Variants in VPS13D observed in about 807,000 individuals in gnomAD.
VPS13D encodes vacuolar protein sorting 13 homolog D.
A neutral mutation model predicts 461.9 loss-of-function variants in VPS13D; 187 were observed. That is an observed-to-expected ratio of 0.40 (90% CI 0.36 to 0.46). The LOEUF (loss-of-function observed/expected upper bound fraction) is 0.46. Ranked by LOEUF, VPS13D falls within the 20% of genes least tolerant of loss-of-function variation. The probability of loss-of-function intolerance (pLI) is 0.60; values close to 1 mark genes in which losing one functional copy is unlikely to be tolerated. For synonymous variants in VPS13D, 1,951 were observed against 1,986.3 expected (o/e 0.98, Z 0.47); for missense variants, 4,711 against 5,364.9 (o/e 0.88, Z 3.81).
At chr1:12,355,366 G>A (rs1368731846) in intron 47 of VPS13D, among the ~76,000 whole-genome samples, 1 of 152,150 alleles carries the variant, frequency 6.6e-6, no homozygotes, top group Non-Finnish European at 1.5e-5. Flanking sequence ...GAAACAAAGA[G>A]GAATGGTGAT....
chr1:12,484,213 G>A (rs574751802), intron 67 of VPS13D, among the ~76,000 whole-genome samples: 4 of 152,152 alleles, frequency 2.6e-5, no homozygotes, highest in African/African-American at 9.6e-5. Context: ...GACCTGCTTG[G>A]GCCAGGCCTT....
Position 12,256,409 on chromosome 1 carries a change from A to G in VPS13D, c.746A>G (p.Lys249Arg), listed in dbSNP as rs1557667457. Residue 249 changes from lysine (K) to arginine (R), a missense_variant, in exon 8 of 70, where the codon AAG (lysine) becomes AGG (arginine). Coordinates refer to ENST00000620676, the MANE Select transcript of VPS13D (RefSeq NM_015378.4). ...LEPVFASALLKRNCSKKPLRS... is the reference protein window; with the variant it reads ...LEPVFASALLRRNCSKKPLRS... ...CCTGTGTTTGCATCTGCTCTTTTGA[A>G]GAGAAACTGCTCCAAGAAGCCCCTG... 4.3e-6 allele frequency: 7 copies of G among 1,614,156 alleles called. No individual in the cohort carries two copies. Among genetic ancestry groups the G allele is most frequent in the Non-Finnish European group, 5.9e-6 (7 of 1,180,028 alleles).
chr1:12,493,951 T>TG (rs1274589036), intron 67 of VPS13D, among the ~76,000 whole-genome samples: 1 of 151,756 alleles, frequency 6.6e-6, no homozygotes, highest in South Asian at 2.1e-4. Flanking sequence ...GATACAGGAG[T>TG]GGGGGGAAAA....
At chr1:12,352,577 A>G (rs1424369682) in intron 46 of VPS13D, among the ~76,000 whole-genome samples, 2 of 152,234 alleles carry the variant, frequency 1.3e-5, no homozygotes, top group Non-Finnish European at 2.9e-5. Context: ...CCAAGTGTTG[A>G]CAAAGATGTG....
At chr1:12,352,762 G>A (rs1341082798) in intron 46 of VPS13D, among the ~76,000 whole-genome samples, 4 of 151,814 alleles carry the variant, frequency 2.6e-5, no homozygotes, top group African/African-American at 4.8e-5. Context: ...TCAGGAGTTC[G>A]AGACCAGCCT....
At chr1:12,447,178 G>A (rs924821428) in intron 65 of VPS13D, among the ~76,000 whole-genome samples, 26 of 152,138 alleles carry the variant, frequency 1.7e-4, no homozygotes, top group African/African-American at 5.8e-4. Context: ...ACTTGGGAGA[G>A]AAAAGAGATA....
At chr1:12,241,556 A>G (rs1175007715) in intron 2 of VPS13D, among the ~76,000 whole-genome samples, 1 of 152,186 alleles carries the variant, frequency 6.6e-6, no homozygotes, top group Non-Finnish European at 1.5e-5. Context: ...GCAGGGCTCT[A>G]TATATGTGAG....
chr1:12,337,938 G>A, intron 39 of VPS13D: 1 of 241,624 alleles, frequency 4.1e-6, no homozygotes, highest in Non-Finnish European at 8.2e-6. Context: ...TCTTCAAAAG[G>A]CTCGTCATTC....
intron 43 of VPS13D, among the ~76,000 whole-genome samples, chr1:12,345,884 T>C (rs1361778319): frequency 6.6e-6 from 1 of 152,222 alleles, no homozygotes; most frequent in African/African-American, 2.4e-5. Flanking sequence ...TTGATCCTTT[T>C]ACTCTGTGTC....
At chr1:12,374,098 A>G (rs1015932491) in intron 55 of VPS13D, among the ~76,000 whole-genome samples, 1 of 152,226 alleles carries the variant, frequency 6.6e-6, no homozygotes, top group African/African-American at 2.4e-5. Flanking sequence ...TAATAAATAT[A>G]TGTGGAATTA....
intron 65 of VPS13D, among the ~76,000 whole-genome samples, chr1:12,444,419 C>T (rs1010033769): frequency 6.6e-5 from 10 of 152,094 alleles, no homozygotes; most frequent in African/African-American, 1.7e-4. Context: ...AGTCTTTGGA[C>T]GATTTTGGGA....
chr1:12,300,488 A>G (rs542871203), intron 25 of VPS13D, among the ~76,000 whole-genome samples: 2 of 152,198 alleles, frequency 1.3e-5, no homozygotes, highest in Non-Finnish European at 2.9e-5. Context: ...GATTACAGGC[A>G]TGAGCCACCA....
chr1:12,329,858 A>T lies in VPS13D; in HGVS notation c.8227A>T (p.Ser2743Cys). 1.2e-6 allele frequency: 2 copies of T among 1,614,170 alleles called. No homozygotes were observed. The highest frequency in any genetic ancestry group is 2.2e-5 in the South Asian group (2 of 91,088). The change falls in exon 37 of 70, where the codon AGC becomes TGC. Residue 2743 changes from serine (S) to cysteine (C), a missense_variant. Ser to Cys is a moderately radical substitution (Grantham distance 112). Around this residue, in one of 3 missense-constraint regions of VPS13D, gnomAD observed 4,411 missense variants for 4,937.8 expected, o/e 0.89. Coordinates refer to ENST00000620676, the MANE Select transcript of VPS13D (RefSeq NM_015378.4). ...GAATTTTCTTCAGCGTGTAAGAACT[A>T]GCCCTGAAGGCTATGCCCACTTCAC... Reference protein sequence around the residue: ...RLNFLQRVRTSPEGYAHFTLS... With the variant: ...RLNFLQRVRTCPEGYAHFTLS...
Position 12,373,806 on chromosome 1 carries a change from A to C in VPS13D, c.10865A>C (p.Glu3622Ala). 6.2e-7 allele frequency: 1 copy of C among 1,605,754 alleles called. No homozygotes were observed. The highest frequency in any genetic ancestry group is 1.7e-4 in the Middle Eastern group (1 of 6,028). ...TCCAACAAGGCCATTACCTGTGCGGAGCTCGTTTTGGATGTCTCACCCAAG... is the reference window on the plus strand; with the variant it reads ...TCCAACAAGGCCATTACCTGTGCGGCGCTCGTTTTGGATGTCTCACCCAAG... ...VASNKAITCA[E>A]LVLDVSPKTQ... The change falls in exon 55 of 70, where the codon GAG (glutamate) becomes GCG (alanine). Residue 3622 changes from glutamate to alanine, a missense_variant. Around this residue, in one of 3 missense-constraint regions of VPS13D, gnomAD observed 4,411 missense variants for 4,937.8 expected, o/e 0.89. Transcript: ENST00000620676.
At chr1:12,266,807 G>T in intron 13 of VPS13D, 74 bp from the exon 14 acceptor site, 1 of 1,257,758 alleles carries the variant, frequency 8.0e-7, no homozygotes, top group Non-Finnish European at 1.1e-6. Context: ...CTGTAAAATA[G>T]AATATCTAAT....
rs555297026 is a variant in VPS13D, at chr1:12,381,618, C to T, written c.11191-1358C>T. Among the ~76,000 whole-genome samples the T allele has an allele frequency of 2.0e-5, 3 of 152,326 alleles. No individual in the cohort carries two copies. The East Asian group carries it at 5.8e-4, about 29-fold the overall frequency. On this transcript the variant is annotated intron_variant, in intron 57 of 69. Coordinates refer to ENST00000620676, the MANE Select transcript of VPS13D (RefSeq NM_015378.4). ...TATGTGCCTGTAACAATAGCTGAGA[C>T]TTGGCCAGTCACAGCAGCCATACTT... is the stretch of plus-strand genomic sequence containing the variant.
At chr1:12,254,089 C>T (rs1196657644) in intron 7 of VPS13D, among the ~76,000 whole-genome samples, 1 of 152,204 alleles carries the variant, frequency 6.6e-6, no homozygotes, top group East Asian at 1.9e-4. Flanking sequence ...TCAGTGAAAG[C>T]TATGTTTTTA....
At chr1:12,454,198 G>A (rs575435472) in intron 65 of VPS13D, among the ~76,000 whole-genome samples, 3 of 152,218 alleles carry the variant, frequency 2.0e-5, no homozygotes, top group South Asian at 4.2e-4. Context: ...AGGTGACCTC[G>A]CTCAGGGTCA....
chr1:12,239,397 C>T (rs924269190), intron 2 of VPS13D, among the ~76,000 whole-genome samples: 10 of 152,222 alleles, frequency 6.6e-5, no homozygotes, highest in African/African-American at 2.2e-4. Context: ...CCTTGGCCTC[C>T]CAAAGTTCTG....
Sources: allele counts gnomAD v4.1 joint callset (sites outside exome capture counted in the v4.1 genomes callset), GRCh38; gene constraint gnomAD v4.1.1; regional missense constraint gnomAD v4.1.1; transcripts MANE v1.5; gene names NCBI Gene and HGNC (gene_info 2026-07-23, HGNC 2026-07-21).